Variants in PTCHD4 observed in about 807,000 individuals in gnomAD.
The protein encoded by PTCHD4 is patched domain-containing protein 4.
A neutral mutation model predicts 58.1 loss-of-function variants in PTCHD4; 33 were observed. The observed-to-expected ratio is 0.57, with a 90% CI of 0.43 to 0.76. The LOEUF is 0.76. Among genes scored for constraint, PTCHD4 ranks in the 30% least tolerant of loss-of-function variants. PTCHD4 has a pLI of 0.00. For synonymous variants in PTCHD4, 478 were observed against 409.6 expected (o/e 1.17, Z -2.02); for missense variants, 1,058 against 1,027.1 (o/e 1.03, Z -0.41).
At chr6:48,009,230 C>T in intron 3 of PTCHD4, 116 bp from the exon 4 acceptor site, 1 of 1,127,732 alleles carries the variant, frequency 8.9e-7, no homozygotes, top group South Asian at 1.7e-5. Context: ...AATTGTGAAA[C>T]TGATGTGGGT....
At chr6:48,017,083 T>C (rs982943304) in intron 3 of PTCHD4, among the ~76,000 whole-genome samples, 1 of 152,210 alleles carries the variant, frequency 6.6e-6, no homozygotes, top group Non-Finnish European at 1.5e-5. Flanking sequence ...TAGTAGATGG[T>C]GACATTTCCA....
chr6:47,992,988 A>G (rs1768337654), intron 4 of PTCHD4, among the ~76,000 whole-genome samples: 1 of 152,174 alleles, frequency 6.6e-6, no homozygotes, highest in Admixed American at 6.5e-5. Flanking sequence ...GTGGACAGCA[A>G]ATTAGATAGA....
intron 4 of PTCHD4, among the ~76,000 whole-genome samples, chr6:47,979,566 T>C (rs927830758): frequency 1.3e-5 from 2 of 152,052 alleles, no homozygotes; most frequent in African/African-American, 2.4e-5. Context: ...TTATTTATAA[T>C]AACATGTAGG....
intron 4 of PTCHD4, among the ~76,000 whole-genome samples, chr6:47,897,280 G>T (rs1308531912): frequency 6.6e-6 from 1 of 152,172 alleles, no homozygotes; most frequent in African/African-American, 2.4e-5. Context: ...TTTATCAATA[G>T]GTTGGCTGCT....
intron 3 of PTCHD4, among the ~76,000 whole-genome samples, chr6:48,067,151 T>C (rs1234114887): frequency 2.0e-5 from 3 of 152,184 alleles, no homozygotes; most frequent in Non-Finnish European, 4.4e-5. Context: ...GTGCAGTGAC[T>C]CTTTTGGAAG....
chr6:47,901,326 T>A (rs1440104871), intron 4 of PTCHD4: 2 of 522,316 alleles, frequency 3.8e-6, no homozygotes, highest in Non-Finnish European at 4.9e-6. Flanking sequence ...GTGATGTTTT[T>A]GTCTGGTTTT....
chr6:47,888,437 G>C (rs1294976805), intron 4 of PTCHD4, among the ~76,000 whole-genome samples: 2 of 152,162 alleles, frequency 1.3e-5, no homozygotes, highest in African/African-American at 2.4e-5. Context: ...CAGACACTCA[G>C]TCCTTAGCAC....
intron 3 of PTCHD4, among the ~76,000 whole-genome samples, chr6:48,033,682 A>G (rs1283232657): frequency 1.3e-5 from 2 of 152,056 alleles, no homozygotes; most frequent in African/African-American, 4.8e-5. Flanking sequence ...AGAGCAAAAC[A>G]TGAAATTCAC....
rs1038354194 is a variant in PTCHD4 at position 47,876,265 on chromosome 6, C to A, written c.*2038G>T. On this transcript the variant is annotated 3_prime_UTR_variant, in exon 5 of 5. Transcript: ENST00000339488. ...TTTACAAATAATGTAAAAACAATAA[C>A]CCTATGATTATGGGCAATAATTTTC... Among the ~76,000 whole-genome samples, 11 of 151,770 alleles carry A rather than the reference C, an allele frequency of 7.2e-5. No individual in the cohort carries two copies. The highest frequency in any genetic ancestry group is 1.5e-4 in the Non-Finnish European group (10 of 67,856).
intron 3 of PTCHD4, among the ~76,000 whole-genome samples, chr6:48,055,287 T>C (rs1184292159): frequency 1.3e-5 from 2 of 152,176 alleles, no homozygotes; most frequent in Non-Finnish European, 2.9e-5. Flanking sequence ...TGATGACAAC[T>C]GTGTATTTTA....
At chr6:47,897,586 AAGG>A (rs1050369520) in intron 4 of PTCHD4, among the ~76,000 whole-genome samples, 1 of 152,194 alleles carries the variant, frequency 6.6e-6, no homozygotes, top group African/African-American at 2.4e-5. Flanking sequence ...CCTTCAGGTG[AAGG>A]AAGAAAATCT....
At chr6:48,037,816 A>C (rs545258523) in intron 3 of PTCHD4, among the ~76,000 whole-genome samples, 32 of 152,190 alleles carry the variant, frequency 2.1e-4, no homozygotes, top group African/African-American at 7.7e-4. Flanking sequence ...AATAATAAAA[A>C]GAGTAAGATG....
In PTCHD4 at chr6:47,872,975, A is replaced by G. The variant is rs542783548; in HGVS notation, c.*5328T>C. On this transcript the variant is annotated 3_prime_UTR_variant, in exon 5 of 5. Coordinates refer to ENST00000339488, the MANE Select transcript of PTCHD4 (RefSeq NM_001384253.1). ...TTAGAAAAAGTGTTCATTATGACTC[A>G]AAGACTCACAAAATATAGTCAATGA... 1.8e-4 allele frequency among the ~76,000 whole-genome samples: 27 copies of G among 151,832 alleles called. No individual in the cohort carries two copies. The South Asian group carries it at 5.4e-3, about 30-fold the overall frequency.
At chr6:48,072,124 G>T (rs186511592) in intron 1 of PTCHD4, among the ~76,000 whole-genome samples, 3 of 152,066 alleles carry the variant, frequency 2.0e-5, no homozygotes, top group Non-Finnish European at 4.4e-5. Context: ...TTGGACAGAA[G>T]TCACTATGTG....
At chr6:47,923,457 A>T (rs1765497645) in intron 4 of PTCHD4, among the ~76,000 whole-genome samples, 1 of 152,188 alleles carries the variant, frequency 6.6e-6, no homozygotes, top group Admixed American at 6.5e-5. Flanking sequence ...GTCCTTACAT[A>T]TAAAAAGAAA....
intron 1 of PTCHD4, among the ~76,000 whole-genome samples, chr6:48,082,793 A>G (rs1055352301): frequency 2.0e-5 from 3 of 152,122 alleles, no homozygotes; most frequent in African/African-American, 7.2e-5. Flanking sequence ...AATATAAGAA[A>G]TTGACATTAT....
intron 4 of PTCHD4, among the ~76,000 whole-genome samples, chr6:47,939,283 T>C (rs1766121075): frequency 6.6e-6 from 1 of 152,130 alleles, no homozygotes; most frequent in Non-Finnish European, 1.5e-5. Flanking sequence ...TACCAGAAAT[T>C]TTAATTCAGT....
chr6:47,964,147 A>G (rs1561981038), intron 4 of PTCHD4, among the ~76,000 whole-genome samples: 1 of 152,192 alleles, frequency 6.6e-6, no homozygotes, highest in Non-Finnish European at 1.5e-5. Flanking sequence ...CAGGTACTGG[A>G]AGAGAGGAAT....
intron 4 of PTCHD4, among the ~76,000 whole-genome samples, chr6:47,985,150 C>G (rs768131680): frequency 3.3e-5 from 5 of 152,106 alleles, no homozygotes; most frequent in Non-Finnish European, 7.4e-5. Context: ...TAACTTCTTA[C>G]TGACTCCTGC....
Sources: gnomAD v4.1 joint callset for allele counts (sites outside exome capture counted in the v4.1 genomes callset) on GRCh38, gnomAD v4.1.1 for gene constraint, MANE v1.5 for transcripts, NCBI Gene and HGNC (gene_info 2026-07-23, HGNC 2026-07-21) for gene names.